MELK: variants seen among roughly 807,000 people sequenced by gnomAD.
The protein encoded by MELK is maternal embryonic leucine zipper kinase.
In MELK, 81 loss-of-function variants were observed where a neutral mutation model predicts 85.0. The observed-to-expected ratio is 0.95, with a 90% confidence interval of 0.80 to 1.15. MELK has a LOEUF of 1.15. MELK is among the 50% of genes most tolerant of loss of function. MELK has a pLI of 0.00. For synonymous variants in MELK, 252 were observed against 265.0 expected, an observed-to-expected ratio of 0.95 and a Z score of 0.48; for missense variants, 754 against 777.5, an observed-to-expected ratio of 0.97 and a Z score of 0.36.
chr9:36,612,315 C>T (rs918328326), intron 8 of MELK, among the ~76,000 whole-genome samples: 1 of 152,098 alleles, frequency 6.6e-6, no homozygotes, highest in Non-Finnish European at 1.5e-5. Context: ...AAGCTGGTCT[C>T]GAACTCCTGA....
At chr9:36,630,127 G>A in intron 8 of MELK, 172 bp from the exon 9 acceptor site, 2 of 621,296 alleles carry the variant, frequency 3.2e-6, no homozygotes, top group East Asian at 5.4e-5. Flanking sequence ...CTTCAGGTGT[G>A]AGCCACCACG....
At chr9:36,583,762 GA>G in intron 3 of MELK, 50 bp downstream of exon 3, 1 of 1,303,936 alleles carries the variant, frequency 7.7e-7, no homozygotes, top group Non-Finnish European at 1.1e-6. Context: ...TCAGTTTCGT[GA>G]ATTAAAACCT....
chr9:36,589,832 C>A (rs907998508), intron 4 of MELK, among the ~76,000 whole-genome samples, 180 bp downstream of exon 4: 7 of 151,436 alleles, frequency 4.6e-5, no homozygotes, highest in African/African-American at 1.7e-4. Flanking sequence ...ATGTAAATGT[C>A]ATTTTTCTAA....
At chr9:36,628,697 C>T (rs1352885929) in intron 8 of MELK, among the ~76,000 whole-genome samples, 4 of 151,038 alleles carry the variant, frequency 2.6e-5, no homozygotes, top group African/African-American at 9.7e-5. Context: ...GGATTACAGG[C>T]GTGAGCCACC....
At chr9:36,668,140 A>G (rs765344666) in intron 14 of MELK, among the ~76,000 whole-genome samples, 3 of 152,190 alleles carry the variant, frequency 2.0e-5, no homozygotes, top group South Asian at 2.1e-4. Flanking sequence ...CTCCTACACA[A>G]TGCAGGCATT....
At chr9:36,638,091 G>A (rs918817712) in intron 10 of MELK, among the ~76,000 whole-genome samples, 6 of 152,042 alleles carry the variant, frequency 3.9e-5, no homozygotes, top group Non-Finnish European at 7.4e-5. Flanking sequence ...CTCCATGTGC[G>A]GAGGGCTTTG....
chr9:36,644,509 A>G (rs1830053134), intron 11 of MELK, among the ~76,000 whole-genome samples: 3 of 152,210 alleles, frequency 2.0e-5, no homozygotes, highest in Admixed American at 1.3e-4. Flanking sequence ...GACACACAGA[A>G]TGTATCTGGA....
chr9:36,627,359 G>T (rs1036805865), intron 8 of MELK, among the ~76,000 whole-genome samples: 4 of 152,024 alleles, frequency 2.6e-5, no homozygotes, highest in Admixed American at 2.6e-4. Flanking sequence ...AAAAGAAAGG[G>T]TCAAAAATCA....
chr9:36,641,510 A>G (rs1461905848), intron 10 of MELK, among the ~76,000 whole-genome samples: 1 of 151,972 alleles, frequency 6.6e-6, no homozygotes, highest in Non-Finnish European at 1.5e-5. Context: ...CAGGAGGGAG[A>G]TGCTAACCAT....
At chr9:36,652,520 A>G (rs967837402) in intron 12 of MELK, among the ~76,000 whole-genome samples, 24 of 151,050 alleles carry the variant, frequency 1.6e-4, no homozygotes, top group African/African-American at 5.8e-4. Context: ...TCACAAGGTC[A>G]GGAGTTTGAC....
intron 8 of MELK, among the ~76,000 whole-genome samples, chr9:36,612,577 G>T (rs1826162379): frequency 6.6e-6 from 1 of 152,084 alleles, no homozygotes; most frequent in Admixed American, 6.5e-5. Context: ...TAGAGATGAG[G>T]TTTCACCATG....
At chr9:36,660,754 G>T (rs1352816911) in intron 13 of MELK, among the ~76,000 whole-genome samples, 2 of 151,878 alleles carry the variant, frequency 1.3e-5, no homozygotes, top group Non-Finnish European at 2.9e-5. Context: ...CACTTTGGGG[G>T]GCTGAGGCGG....
intron 8 of MELK, among the ~76,000 whole-genome samples, chr9:36,623,603 G>A (rs1827653302): frequency 6.6e-6 from 1 of 152,234 alleles, no homozygotes. Context: ...CCTAGACGAT[G>A]TGTACCTTAC....
intron 16 of MELK, among the ~76,000 whole-genome samples, chr9:36,674,020 T>A (rs1260656580): frequency 6.6e-6 from 1 of 152,230 alleles, no homozygotes; most frequent in Non-Finnish European, 1.5e-5. Flanking sequence ...CCATAGGTTC[T>A]TATTTTGAAA....
intron 1 of MELK, among the ~76,000 whole-genome samples, chr9:36,578,415 T>C (rs1378552975): frequency 1.3e-5 from 2 of 152,196 alleles, no homozygotes; most frequent in Non-Finnish European, 2.9e-5. Context: ...GTCTATTTCT[T>C]TGTGGGCTAT....
At chr9:36,661,131 G>A (rs923915984) in intron 13 of MELK, among the ~76,000 whole-genome samples, 5 of 152,150 alleles carry the variant, frequency 3.3e-5, no homozygotes, top group Admixed American at 6.5e-5. Context: ...CCCCTCCAGC[G>A]GCTCCTAGGT....
intron 10 of MELK, among the ~76,000 whole-genome samples, chr9:36,637,369 T>A (rs1829322820): frequency 6.6e-6 from 1 of 152,048 alleles, no homozygotes; most frequent in African/African-American, 2.4e-5. Context: ...GTGAGAAGAG[T>A]GGCATTGCTT....
At chr9:36,588,052 C>G (rs1029796409) in intron 3 of MELK, among the ~76,000 whole-genome samples, 1 of 151,818 alleles carries the variant, frequency 6.6e-6, no homozygotes, top group Non-Finnish European at 1.5e-5. Context: ...CAGGTGTGAG[C>G]CACCACACCC....
At chr9:36,604,906 G>A (rs1825331047) in intron 7 of MELK, among the ~76,000 whole-genome samples, 1 of 151,832 alleles carries the variant, frequency 6.6e-6, no homozygotes, top group Non-Finnish European at 1.5e-5. Context: ...GCTTCCTAAA[G>A]TGTTAGGATT....
Sources: gnomAD v4.1 joint callset for allele counts (sites outside exome capture counted in the v4.1 genomes callset) on GRCh38, gnomAD v4.1.1 for gene constraint, MANE v1.5 for transcripts, NCBI Gene and HGNC (gene_info 2026-07-23, HGNC 2026-07-21) for gene names.